ROBO2: variants seen among roughly 807,000 people sequenced by gnomAD.
ROBO2 encodes the protein roundabout guidance receptor 2.
Under a neutral mutation model 160.8 loss-of-function variants are expected in ROBO2, and 53 were observed. That is an observed-to-expected ratio of 0.33 (90% CI 0.26 to 0.41). The LOEUF is 0.41. ROBO2 is among the 10% of genes least tolerant of loss of function. The pLI is 1.00. For synonymous variants in ROBO2, 664 were observed against 611.7 expected, an observed-to-expected ratio of 1.09 and a Z score of -1.26; for missense variants, 1,577 against 1,722.4, an observed-to-expected ratio of 0.92 and a Z score of 1.49.
chr3:77,019,777 A>C (rs1233454797), intron 2 of ROBO2, among the ~76,000 whole-genome samples: 1 of 152,202 alleles, frequency 6.6e-6, no homozygotes, highest in Non-Finnish European at 1.5e-5. Flanking sequence ...TTTGTTTCTA[A>C]AATTCTGTGA....
intron 2 of ROBO2, among the ~76,000 whole-genome samples, chr3:76,055,052 TAG>T (rs1357279419): frequency 6.6e-6 from 1 of 152,208 alleles, no homozygotes; most frequent in East Asian, 1.9e-4. Flanking sequence ...TCTACATTGC[TAG>T]AGAGGCCTTG....
At chr3:77,449,922 T>A (rs1449691632) in intron 2 of ROBO2, among the ~76,000 whole-genome samples, 4 of 152,022 alleles carry the variant, frequency 2.6e-5, no homozygotes, top group African/African-American at 9.7e-5. Context: ...TATTTTTAAC[T>A]GACCACAGAG....
chr3:77,368,808 T>A (rs770456805), intron 2 of ROBO2, among the ~76,000 whole-genome samples: 1 of 152,184 alleles, frequency 6.6e-6, no homozygotes, highest in Non-Finnish European at 1.5e-5. Context: ...TGATAGAAAA[T>A]TTTTAGTGCT....
At chr3:77,223,269 A>AT (rs1214366451) in intron 2 of ROBO2, among the ~76,000 whole-genome samples, 1 of 152,112 alleles carries the variant, frequency 6.6e-6, no homozygotes, top group Non-Finnish European at 1.5e-5. Context: ...ACCTTCATTG[A>AT]TTTTTTTATA....
In ROBO2 at chr3:76,499,366, A is replaced by G. The variant is rs181127631; in HGVS notation, c.109+561764A>G. Among the ~76,000 whole-genome samples the G allele has an allele frequency of 5.4e-4, 83 of 152,328 alleles. 2 individuals carry two copies. Among genetic ancestry groups the G allele is most frequent in the African/African-American group, 2.0e-3 (82 of 41,580 alleles). ...GTGAAGTGAAAAAATGATATCTTGTATAGGAGTCCCTTTGTTGACACTCCT... is the reference window on the plus strand; with the variant it reads ...GTGAAGTGAAAAAATGATATCTTGTGTAGGAGTCCCTTTGTTGACACTCCT... On this transcript the variant is annotated intron_variant, in intron 2 of 26. Transcript: ENST00000487694.
chr3:76,294,534 T>C (rs1265061362), intron 2 of ROBO2, among the ~76,000 whole-genome samples: 2 of 152,190 alleles, frequency 1.3e-5, no homozygotes, highest in Non-Finnish European at 2.9e-5. Context: ...CTCATTCCCT[T>C]TGATGCCTTT....
chr3:77,516,030 C>T (rs2089983249), intron 5 of ROBO2, among the ~76,000 whole-genome samples: 1 of 151,314 alleles, frequency 6.6e-6, no homozygotes, highest in African/African-American at 2.4e-5. Flanking sequence ...TATTTAGGCT[C>T]CATATGTTCT....
intron 2 of ROBO2, among the ~76,000 whole-genome samples, chr3:76,901,214 T>TATC (rs2075201161): frequency 6.6e-6 from 1 of 152,088 alleles, no homozygotes; most frequent in Admixed American, 6.6e-5. Context: ...TAATTTATTT[T>TATC]ATCTATAGAA....
chr3:76,496,691 C>A (rs2080169654), intron 2 of ROBO2, among the ~76,000 whole-genome samples: 1 of 152,162 alleles, frequency 6.6e-6, no homozygotes, highest in South Asian at 2.1e-4. Context: ...CAATACCACT[C>A]ATCCAACCGC....
At chr3:76,950,075 T>C (rs1426188202) in intron 2 of ROBO2, among the ~76,000 whole-genome samples, 1 of 152,194 alleles carries the variant, frequency 6.6e-6, no homozygotes, top group Non-Finnish European at 1.5e-5. Context: ...TGAAACTGTT[T>C]TGGTGAGCAT....
intron 23 of ROBO2, chr3:77,632,543 T>C (rs754436117): frequency 7.2e-6 from 11 of 1,535,898 alleles, no homozygotes. Flanking sequence ...AGATCTAGTG[T>C]AGGTAGCTCC....
chr3:77,249,623 C>T (rs1185554525), intron 2 of ROBO2, among the ~76,000 whole-genome samples: 1 of 129,352 alleles, frequency 7.7e-6, no homozygotes, highest in Admixed American at 7.4e-5. Flanking sequence ...GAAGTTACAA[C>T]TTTTTTTTTA....
At chr3:76,493,823 G>T (rs577096734) in intron 2 of ROBO2, among the ~76,000 whole-genome samples, 3 of 152,214 alleles carry the variant, frequency 2.0e-5, no homozygotes, top group African/African-American at 7.2e-5. Flanking sequence ...TATCATGAAA[G>T]ATCTCAATAA....
chr3:76,666,364 A>G (rs557593052), intron 2 of ROBO2, among the ~76,000 whole-genome samples: 1 of 152,244 alleles, frequency 6.6e-6, no homozygotes, highest in African/African-American at 2.4e-5. Flanking sequence ...AGGAGACATC[A>G]GTTCACCGTG....
At chr3:76,973,180 CT>C (rs1459553570) in intron 2 of ROBO2, among the ~76,000 whole-genome samples, 2 of 152,206 alleles carry the variant, frequency 1.3e-5, no homozygotes, top group South Asian at 2.1e-4. Context: ...ATCTCCTCAG[CT>C]TTGGCTTCCT....
intron 1 of ROBO2, among the ~76,000 whole-genome samples, chr3:77,063,174 G>T (rs1331322997): frequency 6.6e-6 from 1 of 152,206 alleles, no homozygotes; most frequent in Non-Finnish European, 1.5e-5. Flanking sequence ...GGATCTAGAA[G>T]TGGACAGCTT....
At chr3:76,553,637 A>T (rs1225002202) in intron 2 of ROBO2, among the ~76,000 whole-genome samples, 1 of 152,234 alleles carries the variant, frequency 6.6e-6, no homozygotes, top group Non-Finnish European at 1.5e-5. Context: ...ATTTAAAATT[A>T]TCAAAATAAA....
chr3:77,199,974 T>C (rs1455022953), intron 2 of ROBO2, among the ~76,000 whole-genome samples: 6 of 151,650 alleles, frequency 4.0e-5, no homozygotes, highest in Non-Finnish European at 8.8e-5. Flanking sequence ...CTTAGAGATA[T>C]TGTAATGGAA....
chr3:76,705,516 A>G (rs2093141954), intron 2 of ROBO2, among the ~76,000 whole-genome samples: 1 of 152,122 alleles, frequency 6.6e-6, no homozygotes, highest in Admixed American at 6.6e-5. Flanking sequence ...AGAAGATGAC[A>G]AGTAAAAAAG....
Sources: allele counts gnomAD v4.1 joint callset (sites outside exome capture counted in the v4.1 genomes callset), GRCh38; gene constraint gnomAD v4.1.1; transcripts MANE v1.5; gene names NCBI Gene and HGNC (gene_info 2026-07-23, HGNC 2026-07-21).